Variants in PIK3C2G observed in about 807,000 individuals in gnomAD.
The protein encoded by PIK3C2G is phosphatidylinositol 3-kinase C2 domain-containing subunit gamma.
In PIK3C2G, 168 loss-of-function variants were observed where a neutral mutation model predicts 181.1. The ratio of observed to expected loss-of-function variants is 0.93; its 90% confidence interval spans 0.82 to 1.05. The LOEUF (loss-of-function observed/expected upper bound fraction) is 1.05, where lower values mean the gene tolerates loss of function less well. Ranked by LOEUF, PIK3C2G falls within the 50% of genes least tolerant of loss-of-function variation. The pLI is 0.00. For synonymous variants in PIK3C2G, 573 were observed against 592.2 expected, an observed-to-expected ratio of 0.97 and a Z score of 0.47; for missense variants, 1,869 against 1,732.8, an observed-to-expected ratio of 1.08 and a Z score of -1.40.
chr12:18,574,439 C>G (rs954875888), intron 29 of PIK3C2G, among the ~76,000 whole-genome samples: 2 of 152,074 alleles, frequency 1.3e-5, no homozygotes, highest in African/African-American at 4.8e-5. Flanking sequence ...ACTAAAATGC[C>G]TATTATCAAG....
chr12:18,534,645 G>A (rs1164865396), intron 24 of PIK3C2G, among the ~76,000 whole-genome samples: 1 of 151,424 alleles, frequency 6.6e-6, no homozygotes. Flanking sequence ...TAAAAGGAAG[G>A]TGGACTACTT....
chr12:18,587,849 A>G (rs1054717070), intron 29 of PIK3C2G, among the ~76,000 whole-genome samples: 3 of 152,088 alleles, frequency 2.0e-5, no homozygotes, highest in Non-Finnish European at 4.4e-5. Flanking sequence ...CAACTTCAGA[A>G]CTATACTACA....
At chr12:18,526,280 T>C (rs1169678891) in intron 24 of PIK3C2G, among the ~76,000 whole-genome samples, 3 of 152,204 alleles carry the variant, frequency 2.0e-5, no homozygotes, top group African/African-American at 7.2e-5. Context: ...TTAGTTTTCT[T>C]TGAAATTAGG....
At chr12:18,698,295 C>T in the PIK3C2G span, among the ~76,000 whole-genome samples, 2,660 of 152,050 alleles carry the variant, frequency 0.017, 94 homozygotes, top group African/African-American at 0.062. Flanking sequence ...CTACTCCATT[C>T]CATTCCATTC....
intron 1 of PIK3C2G, among the ~76,000 whole-genome samples, chr12:18,266,891 A>T (rs574245064): frequency 2.0e-5 from 3 of 147,480 alleles, no homozygotes; most frequent in African/African-American, 7.6e-5. Context: ...TAAATGCTTC[A>T]TTTTTAAAAT....
intron 24 of PIK3C2G, among the ~76,000 whole-genome samples, chr12:18,531,526 C>T (rs1943553810): frequency 6.6e-6 from 1 of 152,098 alleles, no homozygotes; most frequent in Non-Finnish European, 1.5e-5. Context: ...ATTCACTTCC[C>T]TCTCACCTTC....
At chr12:18,405,336 A>G (rs1944462836) in intron 16 of PIK3C2G, among the ~76,000 whole-genome samples, 1 of 152,164 alleles carries the variant, frequency 6.6e-6, no homozygotes, top group South Asian at 2.1e-4. Flanking sequence ...TACTGTGTGT[A>G]GCTATAGAGA....
In PIK3C2G at chr12:18,505,449, G is replaced by A. The variant is rs760367802; in HGVS notation, c.3311G>A (p.Gly1104Glu). 2.0e-5 allele frequency: 32 copies of A among 1,612,350 alleles called. 1 individual carries two copies. The South Asian group carries it at 3.1e-4, about 16-fold the overall frequency. ...GKFLGHAQTFGGIKRDRAPFI... is the reference protein window; with the variant it reads ...GKFLGHAQTFEGIKRDRAPFI... ...TTCTTAGGTCATGCACAAACATTTG[G>A]AGGGATAAAAAGGTCAGTGCACAAA... The change falls in exon 24 of 33, where the codon GGA becomes GAA. Residue 1104 changes from glycine to glutamate, a missense_variant. Coordinates refer to ENST00000538779, the MANE Select transcript of PIK3C2G (RefSeq NM_001288772.2).
the PIK3C2G span, among the ~76,000 whole-genome samples, chr12:18,712,160 G>A: frequency 5.3e-5 from 8 of 152,176 alleles, no homozygotes; most frequent in African/African-American, 1.7e-4. Context: ...TATAATTGAA[G>A]TACTTAAGAA....
intron 25 of PIK3C2G, among the ~76,000 whole-genome samples, chr12:18,543,394 A>G (rs960240554): frequency 2.0e-5 from 3 of 151,948 alleles, no homozygotes; most frequent in African/African-American, 7.2e-5. Flanking sequence ...CTTAAGTTTA[A>G]TTAGATCCCA....
At chr12:18,711,483 A>G in the PIK3C2G span, among the ~76,000 whole-genome samples, 6 of 150,888 alleles carry the variant, frequency 4.0e-5, no homozygotes, top group Non-Finnish European at 7.4e-5. Context: ...ATGTATCCAT[A>G]TGTAACAAAC....
At chr12:18,511,686 T>C (rs905546372) in intron 24 of PIK3C2G, among the ~76,000 whole-genome samples, 2 of 152,090 alleles carry the variant, frequency 1.3e-5, no homozygotes, top group Admixed American at 1.3e-4. Context: ...GCTATTAAGT[T>C]ATTTGAGTTT....
intron 18 of PIK3C2G, among the ~76,000 whole-genome samples, chr12:18,484,012 T>C (rs1292995087): frequency 6.6e-6 from 1 of 152,126 alleles, no homozygotes; most frequent in Non-Finnish European, 1.5e-5. Flanking sequence ...AGAGGCAAAA[T>C]TAAACCAAAC....
chr12:18,676,865 A>G, the PIK3C2G span, among the ~76,000 whole-genome samples: 1 of 152,162 alleles, frequency 6.6e-6, no homozygotes, highest in East Asian at 1.9e-4. Context: ...ACAGCCATGT[A>G]AAATAATAAT....
At chr12:18,691,355 C>A in the PIK3C2G span, among the ~76,000 whole-genome samples, 4 of 152,088 alleles carry the variant, frequency 2.6e-5, no homozygotes, top group Non-Finnish European at 5.9e-5. Context: ...GGTAAGGATG[C>A]TCAGTGAGCT....
chr12:18,269,380 T>C (rs2137043561), intron 1 of PIK3C2G, among the ~76,000 whole-genome samples: 1 of 152,226 alleles, frequency 6.6e-6, no homozygotes, highest in East Asian at 1.9e-4. Flanking sequence ...AGAACAGCAA[T>C]AGATACATTG....
chr12:18,283,706 G>C (rs948065303), intron 2 of PIK3C2G, among the ~76,000 whole-genome samples: 2 of 152,110 alleles, frequency 1.3e-5, no homozygotes, highest in Non-Finnish European at 2.9e-5. Context: ...TTGCAAAAGA[G>C]GTAGCACCTC....
chr12:18,352,515 A>G (rs1321164417), intron 11 of PIK3C2G, among the ~76,000 whole-genome samples: 1 of 152,148 alleles, frequency 6.6e-6, no homozygotes, highest in Non-Finnish European at 1.5e-5. Flanking sequence ...TAGGAGGGGT[A>G]CTCAAAATCC....
intron 16 of PIK3C2G, among the ~76,000 whole-genome samples, chr12:18,417,902 G>A (rs765236385): frequency 1.6e-4 from 25 of 151,554 alleles, no homozygotes; most frequent in Non-Finnish European, 2.8e-4. Flanking sequence ...TGCTTTTGAC[G>A]GAGAGAAAAA....
Sources: allele counts gnomAD v4.1 joint callset (sites outside exome capture counted in the v4.1 genomes callset), GRCh38; gene constraint gnomAD v4.1.1; transcripts MANE v1.5; gene names NCBI Gene and HGNC (gene_info 2026-07-23, HGNC 2026-07-21).